Variants in ZNF438 observed in about 807,000 individuals in gnomAD.
The protein encoded by ZNF438 is zinc finger protein 438.
Under a neutral mutation model 38.0 loss-of-function variants are expected in ZNF438, and 25 were observed. The ratio of observed to expected loss-of-function variants is 0.66; its 90% CI spans 0.48 to 0.92. ZNF438 has a LOEUF of 0.92. Among genes scored for constraint, ZNF438 ranks in the 40% least tolerant of loss-of-function variants. The pLI is 0.00. For synonymous variants in ZNF438, 372 were observed against 364.1 expected (o/e 1.02, Z -0.25); for missense variants, 1,007 against 999.6 (o/e 1.01, Z -0.10).
chr10:30,863,408 C>CCAG (rs2035907571), intron 4 of ZNF438, among the ~76,000 whole-genome samples: 1 of 152,134 alleles, frequency 6.6e-6, no homozygotes, highest in Non-Finnish European at 1.5e-5. Flanking sequence ...ATCTACAGAT[C>CCAG]CTGTCGTGTG....
At chr10:30,971,306 A>G (rs2050713689) in intron 1 of ZNF438, among the ~76,000 whole-genome samples, 1 of 152,248 alleles carries the variant, frequency 6.6e-6, no homozygotes, top group African/African-American at 2.4e-5. Context: ...CTGCAGAAGT[A>G]TTAAAAATAA....
intron 3 of ZNF438, among the ~76,000 whole-genome samples, chr10:30,883,866 A>G (rs1254001014): frequency 1.3e-5 from 2 of 152,184 alleles, no homozygotes; most frequent in East Asian, 3.8e-4. Context: ...CTCCAGACTA[A>G]GTGACAGACT....
chr10:30,864,502 T>C (rs2036103794), intron 4 of ZNF438, among the ~76,000 whole-genome samples: 2 of 152,222 alleles, frequency 1.3e-5, no homozygotes, highest in Admixed American at 1.3e-4. Context: ...ACCTTCACGA[T>C]GATATTACAT....
intron 2 of ZNF438, among the ~76,000 whole-genome samples, chr10:30,915,871 A>T (rs2043572990): frequency 6.6e-6 from 1 of 152,042 alleles, no homozygotes; most frequent in South Asian, 2.1e-4. Context: ...TAGTGGAAAG[A>T]GGTCAAAGCC....
intron 1 of ZNF438, among the ~76,000 whole-genome samples, chr10:31,006,772 G>C (rs1175113802): frequency 8.6e-5 from 10 of 115,860 alleles, no homozygotes; most frequent in Admixed American, 8.5e-4. Flanking sequence ...TGTGGTTGGC[G>C]GGGGGCGGGG....
At chr10:30,963,658 G>C (rs982819688) in intron 1 of ZNF438, among the ~76,000 whole-genome samples, 3 of 152,080 alleles carry the variant, frequency 2.0e-5, no homozygotes, top group African/African-American at 2.4e-5. Flanking sequence ...TGGATCACAA[G>C]GTCAGGAGTT....
chr10:31,005,228 T>C (rs1426010330), intron 1 of ZNF438, among the ~76,000 whole-genome samples: 1 of 152,122 alleles, frequency 6.6e-6, no homozygotes, highest in Non-Finnish European at 1.5e-5. Flanking sequence ...AACCAAAGTG[T>C]CTGTCAACAG....
intron 3 of ZNF438, among the ~76,000 whole-genome samples, chr10:30,884,814 T>C (rs753026084): frequency 1.3e-5 from 2 of 152,256 alleles, no homozygotes; most frequent in Non-Finnish European, 2.9e-5. Flanking sequence ...ATTTATTCCT[T>C]GTTGAAGAAA....
At chr10:31,004,103 G>A (rs1487711071) in intron 1 of ZNF438, among the ~76,000 whole-genome samples, 1 of 152,102 alleles carries the variant, frequency 6.6e-6, no homozygotes, top group Non-Finnish European at 1.5e-5. Context: ...GCAATATCTG[G>A]AGACATTTTG....
intron 4 of ZNF438, among the ~76,000 whole-genome samples, chr10:30,863,176 T>C (rs892120088): frequency 3.9e-5 from 6 of 152,234 alleles, no homozygotes; most frequent in Non-Finnish European, 7.3e-5. Flanking sequence ...ATGCTGATAA[T>C]TATTCCCTAA....
At chr10:30,957,673 T>C (rs2049014092) in intron 1 of ZNF438, among the ~76,000 whole-genome samples, 1 of 152,216 alleles carries the variant, frequency 6.6e-6, no homozygotes, top group Admixed American at 6.5e-5. Flanking sequence ...AATACATGGA[T>C]TTCTGGGTTC....
chr10:30,919,700 C>T (rs2044066582), intron 2 of ZNF438: 2 of 152,540 alleles, frequency 1.3e-5, no homozygotes, highest in African/African-American at 2.4e-5. Flanking sequence ...TGGGTCACCA[C>T]AACCTCTGCC....
chr10:30,874,140 A>G lies in ZNF438; in HGVS notation c.37+2858T>C, dbSNP rs946805096. On this transcript the variant is annotated intron_variant, in intron 4 of 5. Coordinates refer to ENST00000413025, the Ensembl canonical transcript of ZNF438. ...TATATATATATATATATATATATAT[A>G]TATATATATATATATATATATATTT... Among the ~76,000 whole-genome samples the G allele has an allele frequency of 3.0e-4, 22 of 72,838 alleles. 1 individual carries two copies. In the East Asian group the frequency reaches 4.4e-3, roughly 14 times the overall value. 47.8% of individuals were successfully genotyped at this position (72,838 alleles called of 152,430 possible). A position where few individuals can be genotyped will look rare whatever the true frequency, so the allele number is the denominator to read the frequency against.
chr10:30,859,153 T>G (rs1410877244), intron 4 of ZNF438, among the ~76,000 whole-genome samples: 1 of 152,178 alleles, frequency 6.6e-6, no homozygotes, highest in East Asian at 1.9e-4. Flanking sequence ...TAATCACGGC[T>G]CACTGCAGCT....
In ZNF438 at chr10:30,948,774, T is replaced by C. The variant is rs572805449; in HGVS notation, c.-191-7123A>G. ...GTGAAAAGACCAAATCTACATCTGA[T>C]TGGTGTACCTGAAAGTGATGGGGAG... On this transcript the variant is annotated intron_variant, in intron 1 of 5. Coordinates refer to ENST00000413025, the Ensembl canonical transcript of ZNF438. Among the ~76,000 whole-genome samples the C allele has an allele frequency of 3.3e-5, 5 of 151,466 alleles. No homozygotes were observed. In the South Asian group the frequency reaches 6.3e-4, roughly 19 times the overall value.
chr10:31,015,655 C>CA (rs2056133781), intron 1 of ZNF438, among the ~76,000 whole-genome samples: 2 of 152,032 alleles, frequency 1.3e-5, no homozygotes, highest in Admixed American at 6.5e-5. Context: ...AAAACAAAAA[C>CA]AAAAAACAGC....
intron 3 of ZNF438, among the ~76,000 whole-genome samples, chr10:30,884,570 C>T (rs1283164470): frequency 6.6e-6 from 1 of 151,924 alleles, no homozygotes. Context: ...TCTTAAATTG[C>T]TGAAAAGTAT....
At chr10:30,896,768 A>C (rs1183601667) in intron 3 of ZNF438, among the ~76,000 whole-genome samples, 1 of 152,174 alleles carries the variant, frequency 6.6e-6, no homozygotes, top group East Asian at 1.9e-4. Context: ...GCTGCACGAC[A>C]ATGTGAATGT....
chr10:30,973,479 T>A (rs1165937948), intron 1 of ZNF438, among the ~76,000 whole-genome samples: 1 of 152,254 alleles, frequency 6.6e-6, no homozygotes, highest in African/African-American at 2.4e-5. Context: ...GAGCCTACCA[T>A]ACAGTGGCAC....
Sources: allele counts gnomAD v4.1 joint callset (sites outside exome capture counted in the v4.1 genomes callset), GRCh38; gene constraint gnomAD v4.1.1; transcripts MANE v1.5; gene names NCBI Gene and HGNC (gene_info 2026-07-23, HGNC 2026-07-21).